Variants in MYH15 observed in about 807,000 individuals in gnomAD.
MYH15 encodes myosin heavy chain 15.
In MYH15, 227 loss-of-function variants were observed where a neutral mutation model predicts 240.5. The ratio of observed to expected loss-of-function variants is 0.94; its 90% CI spans 0.85 to 1.05. The LOEUF (loss-of-function observed/expected upper bound fraction) is 1.05. MYH15 is among the 50% of genes least tolerant of loss of function. The pLI, the probability that MYH15 is intolerant of heterozygous loss-of-function variation, is 0.00. For synonymous variants in MYH15, 785 were observed against 796.7 expected (o/e 0.99, Z 0.25); for missense variants, 2,217 against 2,247.5 (o/e 0.99, Z 0.27).
rs758303881 is a variant in MYH15 at position 108,421,064 on chromosome 3, G to A, written c.3829+24C>T. The A allele has an allele frequency of 1.9e-6, 3 of 1,613,404 alleles. No individual in the cohort carries two copies. In the South Asian group the frequency reaches 3.3e-5, roughly 18 times the overall value. ...TCTGCTGGGATTGAGAATTGCCTAT[G>A]AGTCAAGCAGCATACTTACTTACCA... On this transcript the variant is annotated intron_variant, in intron 28 of 40. Transcript: ENST00000693548.
chr3:108,454,095 A>G lies in MYH15; in HGVS notation c.2310T>C (p.Asp770=), dbSNP rs766151254. Residue 770 remains aspartate, a synonymous_variant, in exon 21 of 41, where the codon GAT becomes GAC. Transcript: ENST00000693548. ...GFLGQLEAIR[D]ERLSKVFTLF... is the part of the protein sequence containing the mutation. ...ATGTGAAGACTTTAGATAGTCTCTC[A>G]TCTCTTATTGCTTCCAGTTGGCCCA... The G allele has an allele frequency of 4.5e-5, 73 of 1,612,522 alleles. No homozygotes were observed. The highest frequency in any genetic ancestry group is 6.1e-5 in the Non-Finnish European group (72 of 1,178,980).
Position 108,505,222 on chromosome 3 carries a change from T to A in MYH15, c.195+501A>T, listed in dbSNP as rs907141399. On this transcript the variant is annotated intron_variant, in intron 2 of 40. Transcript: ENST00000693548. The stretch of plus-strand genomic sequence containing the variant: ...GCCACTGGCAATTGTTTTACTCTGA[T>A]TTATTCACTGTTCTTCATTAAATCT... Among the ~76,000 whole-genome samples, 5 of 152,324 alleles carry A rather than the reference T, an allele frequency of 3.3e-5. No homozygotes were observed. The East Asian group carries it at 9.6e-4, about 29-fold the overall frequency.
chr3:108,467,248 G>A (rs2083127639), intron 14 of MYH15, among the ~76,000 whole-genome samples: 1 of 151,218 alleles, frequency 6.6e-6, no homozygotes. Context: ...AAAGGATGGA[G>A]TTATGTGTTT....
At chr3:108,460,806 C>A (rs1422968522) in intron 16 of MYH15, among the ~76,000 whole-genome samples, 3 of 151,830 alleles carry the variant, frequency 2.0e-5, no homozygotes, top group Admixed American at 2.0e-4. Context: ...TATATGATGA[C>A]CCTGAGTATG....
At chr3:108,388,468 T>A (rs1469678680) in intron 38 of MYH15, among the ~76,000 whole-genome samples, 1 of 152,206 alleles carries the variant, frequency 6.6e-6, no homozygotes, top group East Asian at 1.9e-4. Context: ...GAGGTCTCTC[T>A]TTAGTATTTT....
At chr3:108,457,424 T>C (rs1482277831) in intron 18 of MYH15, among the ~76,000 whole-genome samples, 2 of 152,156 alleles carry the variant, frequency 1.3e-5, no homozygotes, top group Non-Finnish European at 2.9e-5. Context: ...TGAGAGTGCC[T>C]AAATTCTATT....
At chr3:108,441,480 G>C (rs9874545) in intron 22 of MYH15, among the ~76,000 whole-genome samples, 1 of 152,200 alleles carries the variant, frequency 6.6e-6, no homozygotes, top group Non-Finnish European at 1.5e-5. Context: ...AATCTCTCAG[G>C]CCAATTCAGT....
chr3:108,514,721 A>G (rs200480579), upstream of MYH15, among the ~76,000 whole-genome samples: 4 of 152,164 alleles, frequency 2.6e-5, no homozygotes, highest in African/African-American at 9.7e-5. Flanking sequence ...GTAAGCTTAT[A>G]CAGCCACGAC....
At chr3:108,387,640 C>A (rs2082394173) in intron 38 of MYH15, among the ~76,000 whole-genome samples, 1 of 152,186 alleles carries the variant, frequency 6.6e-6, no homozygotes, top group South Asian at 2.1e-4. Context: ...ATTAAAGCAG[C>A]ATTTCATGTC....
intron 40 of MYH15, among the ~76,000 whole-genome samples, chr3:108,382,174 T>TG (rs1553761530): frequency 6.6e-6 from 1 of 152,178 alleles, no homozygotes; most frequent in Non-Finnish European, 1.5e-5. Context: ...ATGGGGTTGC[T>TG]GGTGGGCTCT....
At chr3:108,417,566 A>G (rs2082644182) in intron 28 of MYH15, among the ~76,000 whole-genome samples, 1 of 152,186 alleles carries the variant, frequency 6.6e-6, no homozygotes, top group African/African-American at 2.4e-5. Flanking sequence ...TATTAGCAGT[A>G]GTCACTAAAT....
At chr3:108,456,037 G>C (rs981727948) in intron 19 of MYH15, among the ~76,000 whole-genome samples, 178 bp from the exon 20 acceptor site, 3 of 152,004 alleles carry the variant, frequency 2.0e-5, no homozygotes, top group African/African-American at 7.3e-5. Flanking sequence ...CCCTTGCATT[G>C]GTATAATAGT....
chr3:108,399,938 C>T (rs545814300), intron 33 of MYH15, among the ~76,000 whole-genome samples: 24 of 152,270 alleles, frequency 1.6e-4, no homozygotes, highest in African/African-American at 5.8e-4. Context: ...AAGACAATAG[C>T]TATGTGTTTA....
Position 108,500,210 on chromosome 3 carries a change from T to C in MYH15, c.404A>G (p.Glu135Gly), listed in dbSNP as rs746772108. The change falls in exon 4 of 41, where the codon GAA (glutamate) becomes GGA (glycine). Residue 135 changes from glutamate (E) to glycine (G), a missense_variant. By Grantham distance (98) the Glu-to-Gly change is moderately conservative. Transcript: ENST00000693548. ...CTTCCCTTTGTAGGCGGCCATGACT[T>C]CTTTCTGATACACGGGAAGCCATTT... is the stretch of plus-strand genomic sequence containing the variant. ...PYKWLPVYQK[E>G]VMAAYKGKRR... 2.5e-6 allele frequency: 4 copies of C among 1,614,078 alleles called. No homozygotes were observed. The highest frequency in any genetic ancestry group is 3.4e-6 in the Non-Finnish European group (4 of 1,179,962).
In MYH15 at chr3:108,414,348, T is replaced by G; in HGVS notation, c.4029A>C (p.Gln1343His). ...TCCGGTGCAGCTCAGCCTTGACCTC[T>G]TGTTCTTCCTCATACTGCTCTCGTA... ...DLLREQYEEE[Q>H]EVKAELHRTL... Residue 1343 changes from glutamine (Q) to histidine (H), a missense_variant, in exon 30 of 41, where the codon CAA becomes CAC. Gln to His is a conservative substitution (Grantham distance 24, BLOSUM62 0). Transcript: ENST00000693548. 1 of 1,614,218 alleles carries G rather than the reference T, an allele frequency of 6.2e-7. No individual in the cohort carries two copies. Among genetic ancestry groups the G allele is most frequent in the Non-Finnish European group, 8.5e-7 (1 of 1,180,044 alleles).
At chr3:108,443,614 G>C (rs1300115317) in intron 22 of MYH15, among the ~76,000 whole-genome samples, 2 of 152,194 alleles carry the variant, frequency 1.3e-5, no homozygotes, top group Non-Finnish European at 2.9e-5. Context: ...TAACATGAAA[G>C]AGAGTGAGTA....
At position 108,464,826 on chromosome 3, in the gene MYH15, A is replaced by G. The variant is rs1434900926; in HGVS notation, c.1555-12T>C. On this transcript the variant is annotated splice_polypyrimidine_tract_variant and intron_variant, in intron 14 of 40. Coordinates refer to ENST00000693548, the MANE Select transcript of MYH15 (RefSeq NM_014981.3). ...AGGATGCCCATTGGCTGTTGAAGAG[A>G]CATAAGAGCAGCAGATTTCTTTAAA... 1 of 1,580,774 alleles carries G rather than the reference A, an allele frequency of 6.3e-7. No homozygotes were observed. The highest frequency in any genetic ancestry group is 2.3e-5 in the East Asian group (1 of 44,030).
chr3:108,434,892 C>T (rs759585872), intron 25 of MYH15, among the ~76,000 whole-genome samples: 75 of 152,282 alleles, frequency 4.9e-4, no homozygotes, highest in South Asian at 3.7e-3. Flanking sequence ...TAATATCATA[C>T]TTCTGAAATT....
intron 1 of MYH15, among the ~76,000 whole-genome samples, chr3:108,527,924 A>T (rs2083685039): frequency 6.6e-6 from 1 of 152,206 alleles, no homozygotes; most frequent in Admixed American, 6.6e-5. Flanking sequence ...ACAGTTTTGG[A>T]AACTGGGAAG....
Sources: gnomAD v4.1 joint callset for allele counts (sites outside exome capture counted in the v4.1 genomes callset) on GRCh38, gnomAD v4.1.1 for gene constraint, MANE v1.5 for transcripts, NCBI Gene and HGNC (gene_info 2026-07-23, HGNC 2026-07-21) for gene names.